Variants in PAX2 observed in about 807,000 individuals in gnomAD.
PAX2 encodes paired box 2, also known as paired box protein Pax-2.
In PAX2, 9 loss-of-function variants were observed where a neutral mutation model predicts 41.7. The observed-to-expected ratio is 0.22, with a 90% CI of 0.13 to 0.38. PAX2 has a LOEUF of 0.38. Ranked by LOEUF, PAX2 falls within the 10% of genes least tolerant of loss-of-function variation. The probability of loss-of-function intolerance (pLI) is 1.00; values close to 1 mark genes in which losing one functional copy is unlikely to be tolerated. For missense variants in PAX2, 418 were observed against 531.6 expected, an observed-to-expected ratio of 0.79 and a Z score of 2.10; for synonymous variants, 221 against 212.7, an observed-to-expected ratio of 1.04 and a Z score of -0.34.
At chr10:100,800,515 T>C (rs1328780052) in intron 5 of PAX2, among the ~76,000 whole-genome samples, 1 of 152,170 alleles carries the variant, frequency 6.6e-6, no homozygotes, top group Non-Finnish European at 1.5e-5. Context: ...ACACAAGCAA[T>C]CCTCCAGCCT....
intron 3 of PAX2, among the ~76,000 whole-genome samples, chr10:100,769,619 T>C (rs1846139043): frequency 9.1e-6 from 1 of 109,508 alleles, no homozygotes; most frequent in African/African-American, 4.0e-5. Flanking sequence ...AGACTCCATC[T>C]CAAAAAGAAT....
At position 100,748,619 on chromosome 10, in the gene PAX2, C is replaced by T. The variant is rs1845303728; in HGVS notation, c.44-1127C>T. On this transcript the variant is annotated intron_variant, in intron 1 of 9. Transcript: ENST00000355243. This position sits in a 1 kb window ranked among gnomAD's most constrained non-coding sequence, Gnocchi z 5.0. ...GTTGATCGCTCTGGGTGCAGGATTTCTAGACTGCTGTAGGCCAGGGAGAAT... is the reference window on the plus strand; with the variant it reads ...GTTGATCGCTCTGGGTGCAGGATTTTTAGACTGCTGTAGGCCAGGGAGAAT... 1.0e-6 allele frequency: 1 copy of T among 985,298 alleles called. No individual in the cohort carries two copies. Among genetic ancestry groups the T allele is most frequent in the Non-Finnish European group, 1.2e-6 (1 of 829,928 alleles). The allele number at this position is 985,298 out of a possible 1,614,324, so 61.0% of individuals were successfully genotyped here.
At chr10:100,804,730 C>T (rs1409571647) in intron 5 of PAX2, among the ~76,000 whole-genome samples, 1 of 152,132 alleles carries the variant, frequency 6.6e-6, no homozygotes, top group South Asian at 2.1e-4. Flanking sequence ...TATGTACAAG[C>T]GCGTAGACAC....
intron 3 of PAX2, among the ~76,000 whole-genome samples, chr10:100,775,957 G>A (rs1846372286): frequency 6.6e-6 from 1 of 152,166 alleles, no homozygotes; most frequent in Non-Finnish European, 1.5e-5. Flanking sequence ...CAAAGCTTTG[G>A]CCACCTGAAA....
chr10:100,795,457 G>T lies in PAX2; in HGVS notation c.617-10973G>T, dbSNP rs191678599. On this transcript the variant is annotated intron_variant, in intron 5 of 9. Transcript: ENST00000355243. ...GTTGCTTCCACTCAGGGCAACTAGG[G>T]AAGTGTTTATGAGGGAGGTATTTGA... 1.4e-3 allele frequency among the ~76,000 whole-genome samples: 217 copies of T among 152,328 alleles called. 1 individual carries two copies. Among genetic ancestry groups the T allele is most frequent in the Non-Finnish European group, 3.4e-4 (23 of 68,038 alleles).
In PAX2 at chr10:100,827,130, G is replaced by A; in HGVS notation, c.1108+35G>A. 3 of 1,531,328 alleles carry A rather than the reference G, an allele frequency of 2.0e-6. No homozygotes were observed. Among genetic ancestry groups the A allele is most frequent in the Non-Finnish European group, 2.7e-6 (3 of 1,105,904 alleles). 94.9% of individuals were successfully genotyped at this position (1,531,328 alleles called of 1,614,324 possible). A position where few individuals can be genotyped will look rare whatever the true frequency, so the allele number is the denominator to read the frequency against. ...CCACCTGGCTGGCCGGCGGCTCAGC[G>A]CGGCCGCGCGGCTTCTGGGCACGGT... On this transcript the variant is annotated intron_variant, in intron 9 of 9. Transcript: ENST00000355243. This position sits in a 1 kb window ranked among gnomAD's most constrained non-coding sequence, Gnocchi z 8.5.
intron 6 of PAX2, among the ~76,000 whole-genome samples, chr10:100,808,216 C>T (rs1039853520): frequency 6.6e-6 from 1 of 152,072 alleles, no homozygotes; most frequent in Non-Finnish European, 1.5e-5. Flanking sequence ...GCAGCTTCAC[C>T]CCCAGTAGAA....
intron 8 of PAX2, among the ~76,000 whole-genome samples, chr10:100,825,286 G>A (rs539477452): frequency 9.9e-5 from 15 of 152,242 alleles, no homozygotes; most frequent in African/African-American, 9.6e-5. Context: ...GTCAGGCTGC[G>A]GCGGGAAGCA....
chr10:100,752,760 C>A (rs995906033), intron 3 of PAX2, among the ~76,000 whole-genome samples: 3 of 152,122 alleles, frequency 2.0e-5, no homozygotes, highest in African/African-American at 7.2e-5. Flanking sequence ...CCGTCCAACA[C>A]CCCCTGCCCC....
chr10:100,802,785 A>T (rs1372645921), intron 5 of PAX2, among the ~76,000 whole-genome samples: 1 of 152,056 alleles, frequency 6.6e-6, no homozygotes, highest in Non-Finnish European at 1.5e-5. Context: ...TTTGAAATGG[A>T]TGGTGTCTAA....
At chr10:100,749,578 C>A in intron 1 of PAX2, 168 bp from the exon 2 acceptor site, 5 of 1,420,572 alleles carry the variant, frequency 3.5e-6, no homozygotes, top group Non-Finnish European at 4.6e-6. Flanking sequence ...TGCTTCCAGT[C>A]CCCACTCCTC....
At chr10:100,777,163 A>G (rs1225355219) in intron 3 of PAX2, among the ~76,000 whole-genome samples, 2 of 145,900 alleles carry the variant, frequency 1.4e-5, no homozygotes, top group East Asian at 4.1e-4. Flanking sequence ...GTGCAGAGGC[A>G]CAATCTCAGC....
At chr10:100,764,868 A>T (rs1214028536) in intron 3 of PAX2, among the ~76,000 whole-genome samples, 2 of 152,118 alleles carry the variant, frequency 1.3e-5, no homozygotes, top group African/African-American at 4.8e-5. Flanking sequence ...TCCTTATTTG[A>T]TGCATTTGAA....
intron 5 of PAX2, among the ~76,000 whole-genome samples, chr10:100,803,386 C>T (rs568416237): frequency 6.6e-6 from 1 of 151,974 alleles, no homozygotes; most frequent in Non-Finnish European, 1.5e-5. Flanking sequence ...TTCCTCATTC[C>T]CTTCCTGCCC....
At chr10:100,743,830 A>AGCCCAAGGGAACCAACCTGCCTAGCC (rs1338965555), upstream of PAX2, among the ~76,000 whole-genome samples, 9 of 152,246 alleles carry the variant, frequency 5.9e-5, no homozygotes, top group African/African-American at 2.2e-4. Context: ...TTCAACCTCT[A>AGCCCAAGGGAACCAACCTGCCTAGCC]GCCCAAGGGA....
rs1462421897 is a variant in PAX2, at chr10:100,827,763, C to T, written c.*144C>T. Reference sequence around the variant, plus strand: ...CCCAGCCTCACCCCATCCCACGACCCCCGCAACCCTTCACATCACCCCCCT... The same window carrying T: ...CCCAGCCTCACCCCATCCCACGACCTCCGCAACCCTTCACATCACCCCCCT... On this transcript the variant is annotated 3_prime_UTR_variant, in exon 10 of 10. Transcript: ENST00000355243. The surrounding 1 kb of genome is among the most constrained non-coding windows in gnomAD (Gnocchi z 8.5). 1.2e-5 allele frequency: 16 copies of T among 1,316,918 alleles called. No homozygotes were observed. The highest frequency in any genetic ancestry group is 1.7e-5 in the Non-Finnish European group (16 of 923,836). The allele number at this position is 1,316,918 out of a possible 1,614,324, so 81.6% of individuals were successfully genotyped here.
At chr10:100,777,140 C>T (rs1021269171) in intron 3 of PAX2, among the ~76,000 whole-genome samples, 7 of 137,132 alleles carry the variant, frequency 5.1e-5, no homozygotes, top group Admixed American at 8.4e-5. Flanking sequence ...CTTACTCTGT[C>T]GCCTAGGCTG....
chr10:100,738,383 A>G (rs4917907), intron 1 of PAX2, among the ~76,000 whole-genome samples: 121,536 of 152,162 alleles, frequency 0.8, 48,771 homozygotes, highest in East Asian at 1. Context: ...GGGCAAAGGG[A>G]GAGAGGGAGG....
intron 5 of PAX2, among the ~76,000 whole-genome samples, chr10:100,797,754 T>A (rs1264693224): frequency 6.6e-6 from 1 of 152,208 alleles, no homozygotes; most frequent in Admixed American, 6.5e-5. Flanking sequence ...CTCTTGTATA[T>A]GTCTGAGGAA....
Sources: allele counts gnomAD v4.1 joint callset (sites outside exome capture counted in the v4.1 genomes callset), GRCh38; gene constraint gnomAD v4.1.1; non-coding constraint Gnocchi (gnomAD v3.1); transcripts MANE v1.5; gene names NCBI Gene and HGNC (gene_info 2026-07-23, HGNC 2026-07-21).